The following MARCHF1 variants were observed in gnomAD, a reference collection of about 807,000 sequenced individuals.
The protein encoded by MARCHF1 is E3 ubiquitin-protein ligase MARCHF1.
In MARCHF1, 40 loss-of-function variants were observed where a neutral mutation model predicts 54.2. The ratio of observed to expected loss-of-function variants is 0.74; its 90% CI spans 0.57 to 0.96. The LOEUF (loss-of-function observed/expected upper bound fraction) is 0.96, where lower values mean the gene tolerates loss of function less well. MARCHF1 is among the 40% of genes least tolerant of loss of function. The pLI is 0.00. For synonymous variants in MARCHF1, 236 were observed against 236.3 expected, an observed-to-expected ratio of 1.00 and a Z score of 0.01; for missense variants, 586 against 656.5, an observed-to-expected ratio of 0.89 and a Z score of 1.17.
At chr4:164,059,291 T>A (rs75405184) in intron 2 of MARCHF1, among the ~76,000 whole-genome samples, 25 of 152,344 alleles carry the variant, frequency 1.6e-4, no homozygotes, top group African/African-American at 6.0e-4. Context: ...TTTCCAGGCA[T>A]TGATTCAGTT....
intron 2 of MARCHF1, among the ~76,000 whole-genome samples, chr4:164,025,200 C>CA (rs1199827263): frequency 2.0e-5 from 3 of 151,966 alleles, no homozygotes; most frequent in African/African-American, 4.8e-5. Flanking sequence ...AGAAAACTAA[C>CA]AAAAAAATTC....
rs3059817 is a variant in MARCHF1, at chr4:164,177,806, GACACAC to G, written c.-322-66150_-322-66145del. Among the ~76,000 whole-genome samples, 37 of 149,292 alleles carry G rather than the reference GACACAC, an allele frequency of 2.5e-4. No homozygotes were observed. The South Asian group carries it at 6.5e-3, about 26-fold the overall frequency. On this transcript the variant is annotated intron_variant, in intron 1 of 9. Transcript: ENST00000514618. Reference sequence around the variant, plus strand: ...TCAATCTCAGTGTGTGTATGAAAGAGACACACACACACACACACACACACACAGAGA... The same window carrying G: ...TCAATCTCAGTGTGTGTATGAAAGAGACACACACACACACACACACAGAGA...
intron 3 of MARCHF1, among the ~76,000 whole-genome samples, chr4:163,987,039 T>C (rs1281846089): frequency 6.6e-6 from 1 of 152,250 alleles, no homozygotes; most frequent in African/African-American, 2.4e-5. Flanking sequence ...GTATAACTTT[T>C]ATGAATCTTG....
chr4:163,762,883 A>G (rs1335637474), intron 4 of MARCHF1, among the ~76,000 whole-genome samples: 1 of 152,096 alleles, frequency 6.6e-6, no homozygotes, highest in African/African-American at 2.4e-5. Flanking sequence ...TCTGTTCATT[A>G]TAAAGTAATT....
intron 1 of MARCHF1, among the ~76,000 whole-genome samples, chr4:164,158,020 T>C (rs958038769): frequency 6.6e-6 from 1 of 152,184 alleles, no homozygotes; most frequent in East Asian, 1.9e-4. Flanking sequence ...TTCTTAGTAA[T>C]TGCTTCTACT....
intron 1 of MARCHF1, among the ~76,000 whole-genome samples, chr4:164,199,669 C>CAGAGAG (rs1240485134): frequency 1.2e-4 from 7 of 60,816 alleles, no homozygotes; most frequent in Non-Finnish European, 2.4e-4. Flanking sequence ...CACACACACA[C>CAGAGAG]ACACACACAC....
chr4:163,676,869 T>C (rs1257311712), intron 5 of MARCHF1, among the ~76,000 whole-genome samples: 3 of 151,712 alleles, frequency 2.0e-5, no homozygotes, highest in Non-Finnish European at 4.4e-5. Context: ...AAAACAGATA[T>C]AGACACTCAG....
intron 1 of MARCHF1, among the ~76,000 whole-genome samples, chr4:164,168,081 C>T (rs77007945): frequency 1.3e-5 from 2 of 151,828 alleles, no homozygotes; most frequent in East Asian, 3.9e-4. Context: ...AGCAAAAAAC[C>T]AAACTGATTG....
intron 4 of MARCHF1, among the ~76,000 whole-genome samples, chr4:163,822,661 T>C (rs1748727917): frequency 6.6e-6 from 1 of 151,942 alleles, no homozygotes; most frequent in South Asian, 2.1e-4. Flanking sequence ...AATAATTTGA[T>C]ACAGTCATAC....
At chr4:163,524,311 T>G (rs1738029619), downstream of MARCHF1, 1 of 152,138 alleles carries the variant, frequency 6.6e-6, no homozygotes, top group Non-Finnish European at 1.5e-5. Context: ...AACAGCTTTG[T>G]TTTTTGCTAT....
chr4:164,153,498 A>G lies in MARCHF1; in HGVS notation c.-322-41836T>C, dbSNP rs1467399519. Among the ~76,000 whole-genome samples the G allele has an allele frequency of 4.6e-5, 7 of 152,174 alleles. No individual in the cohort carries two copies. In the East Asian group the frequency reaches 9.6e-4, roughly 21 times the overall value. The stretch of plus-strand genomic sequence containing the variant: ...CTGTCACTCACACAATAGCACCTGT[A>G]TAAGAATATAATAATAATTTAATAA... On this transcript the variant is annotated intron_variant, in intron 1 of 9. Coordinates refer to ENST00000514618, the MANE Select transcript of MARCHF1 (RefSeq NM_001394959.1).
chr4:164,187,156 G>A (rs992430580), intron 1 of MARCHF1, among the ~76,000 whole-genome samples: 1 of 151,882 alleles, frequency 6.6e-6, no homozygotes, highest in Non-Finnish European at 1.5e-5. Context: ...TGGTATTTCT[G>A]CTCATCCTCT....
intron 4 of MARCHF1, among the ~76,000 whole-genome samples, chr4:163,808,495 A>G (rs1748289879): frequency 6.6e-6 from 1 of 152,232 alleles, no homozygotes; most frequent in Admixed American, 6.5e-5. Flanking sequence ...CATAGGTAAA[A>G]TGAGTACAAA....
intron 5 of MARCHF1, among the ~76,000 whole-genome samples, chr4:163,630,700 T>C (rs186079947): frequency 6.6e-6 from 1 of 152,292 alleles, no homozygotes; most frequent in African/African-American, 2.4e-5. Context: ...CATATTTCTA[T>C]GTTCAAGGTG....
intron 1 of MARCHF1, among the ~76,000 whole-genome samples, chr4:164,254,248 C>A (rs1733204457): frequency 6.6e-6 from 1 of 151,404 alleles, no homozygotes; most frequent in South Asian, 2.1e-4. Context: ...GATGGGATTT[C>A]TCTATGCTGG....
intron 4 of MARCHF1, among the ~76,000 whole-genome samples, chr4:163,728,713 G>T (rs1561044411): frequency 6.6e-6 from 1 of 152,128 alleles, no homozygotes. Flanking sequence ...GATCCTTTCA[G>T]ATTTTCTACA....
intron 1 of MARCHF1, among the ~76,000 whole-genome samples, chr4:164,263,995 T>C (rs1733537330): frequency 6.6e-6 from 1 of 152,230 alleles, no homozygotes; most frequent in Non-Finnish European, 1.5e-5. Context: ...CTACTGGGTA[T>C]ATACCCAGAT....
rs759522696 is a variant in MARCHF1 at position 163,529,049 on chromosome 4, T to TTGAAA, written c.1340-8_1340-4dup. On this transcript the variant is annotated splice_region_variant and splice_polypyrimidine_tract_variant and intron_variant, in intron 9 of 9. Coordinates refer to ENST00000514618, the MANE Select transcript of MARCHF1 (RefSeq NM_001394959.1). Reference sequence around the variant, plus strand: ...CCAAAATGGCCATTCAAGGACACCTTTGAAATGAAAAAGAGAAAATGTTAT... The same window carrying TTGAAA: ...CCAAAATGGCCATTCAAGGACACCTTTGAAATGAAATGAAAAAGAGAAAATGTTAT... The TTGAAA allele has an allele frequency of 1.3e-6, 2 of 1,590,134 alleles. No homozygotes were observed. Among genetic ancestry groups the TTGAAA allele is most frequent in the Admixed American group, 3.5e-5 (2 of 56,814 alleles).
Position 164,199,669 on chromosome 4 carries a change from CACACACACACACAGAGAGAG to C in MARCHF1, c.-322-88027_-322-88008del, listed in dbSNP as rs1303500171. Among the ~76,000 whole-genome samples the C allele has an allele frequency of 3.0e-3, 184 of 60,820 alleles. 1 individual carries two copies. Among genetic ancestry groups the C allele is most frequent in the African/African-American group, 7.8e-3 (123 of 15,694 alleles). 39.9% of individuals were successfully genotyped at this position (60,820 alleles called of 152,430 possible). ...ACACACACACACACACACACACACA[CACACACACACACAGAGAGAG>C]AGAGAGAGAGAGAGAGAGAGAGAAG... On this transcript the variant is annotated intron_variant, in intron 1 of 9. Coordinates refer to ENST00000514618, the MANE Select transcript of MARCHF1 (RefSeq NM_001394959.1).
Sources: allele counts gnomAD v4.1 joint callset (sites outside exome capture counted in the v4.1 genomes callset), GRCh38; gene constraint gnomAD v4.1.1; transcripts MANE v1.5; gene names NCBI Gene and HGNC (gene_info 2026-07-23, HGNC 2026-07-21).